CAB39L: variants seen among roughly 807,000 people sequenced by gnomAD.
CAB39L encodes the protein calcium-binding protein 39-like.
Under a neutral mutation model 39.1 loss-of-function variants are expected in CAB39L, and 23 were observed. That is an observed-to-expected ratio of 0.59 (90% CI 0.42 to 0.83). The LOEUF (loss-of-function observed/expected upper bound fraction) is 0.83, where lower values mean the gene tolerates loss of function less well. CAB39L is among the 40% of genes least tolerant of loss of function. The probability of loss-of-function intolerance (pLI) is 0.00; values close to 1 mark genes in which losing one functional copy is unlikely to be tolerated. For synonymous variants in CAB39L, 126 were observed against 137.2 expected (o/e 0.92, Z 0.57); for missense variants, 366 against 391.9 (o/e 0.93, Z 0.56).
chr13:49,362,229 T>G (rs1198719955), intron 5 of CAB39L, among the ~76,000 whole-genome samples: 1 of 151,968 alleles, frequency 6.6e-6, no homozygotes, highest in Non-Finnish European at 1.5e-5. Flanking sequence ...CAAGAAAACA[T>G]GACCTCAACA....
At chr13:49,376,237 G>T (rs905819208) in intron 5 of CAB39L, among the ~76,000 whole-genome samples, 1 of 152,158 alleles carries the variant, frequency 6.6e-6, no homozygotes, top group African/African-American at 2.4e-5. Context: ...AACAAAATTC[G>T]TATTATGATA....
chr13:49,342,442 CA>C lies in CAB39L; in HGVS notation c.624+1736del, dbSNP rs201944546. Among the ~76,000 whole-genome samples, 777 of 151,454 alleles carry C rather than the reference CA, an allele frequency of 5.1e-3. 7 individuals carry two copies. The highest frequency in any genetic ancestry group is 0.017 in the African/African-American group (715 of 41,280). ...GTTTTTTGCTTTTAATAGATGAAGA[CA>C]AAAAAAATCCATTCATCATACCATA... On this transcript the variant is annotated intron_variant, in intron 8 of 10. Coordinates refer to ENST00000409308, the MANE Select transcript of CAB39L (RefSeq NM_001079670.3).
intron 4 of CAB39L, among the ~76,000 whole-genome samples, 192 bp from the exon 5 acceptor site, chr13:49,377,323 G>A (rs1297120500): frequency 5.8e-5 from 2 of 34,716 alleles, no homozygotes; most frequent in Non-Finnish European, 1.2e-4. Flanking sequence ...CTAATGGCTT[G>A]CATTTACATA....
intron 9 of CAB39L, among the ~76,000 whole-genome samples, chr13:49,332,451 A>G (rs999044471): frequency 3.9e-5 from 6 of 152,168 alleles, no homozygotes; most frequent in Non-Finnish European, 7.4e-5. Flanking sequence ...CAAAATTGGT[A>G]CCATAATGAT....
At chr13:49,337,839 CA>C (rs1297458116) in intron 9 of CAB39L, among the ~76,000 whole-genome samples, 5 of 151,524 alleles carry the variant, frequency 3.3e-5, no homozygotes, top group Non-Finnish European at 7.4e-5. Context: ...TACTTAAAAC[CA>C]TCTGAAAACT....
chr13:49,427,178 T>C (rs1174201067), intron 3 of CAB39L, among the ~76,000 whole-genome samples: 1 of 152,178 alleles, frequency 6.6e-6, no homozygotes, highest in Admixed American at 6.5e-5. Flanking sequence ...TGTTGCATTA[T>C]AAAGCTTATG....
chr13:49,366,346 T>C (rs1330466351), intron 5 of CAB39L, among the ~76,000 whole-genome samples: 3 of 151,718 alleles, frequency 2.0e-5, no homozygotes, highest in Non-Finnish European at 4.4e-5. Context: ...CTACCTACTA[T>C]GTACCCACAA....
chr13:49,396,699 T>C (rs1956640202), intron 3 of CAB39L, among the ~76,000 whole-genome samples: 1 of 151,882 alleles, frequency 6.6e-6, no homozygotes, highest in Non-Finnish European at 1.5e-5. Flanking sequence ...TATAGCGAGA[T>C]TCCATCTCAA....
chr13:49,377,245 ATGAAT>A, intron 4 of CAB39L, 114 bp from the exon 5 acceptor site: 1 of 768,568 alleles, frequency 1.3e-6, no homozygotes, highest in East Asian at 2.5e-5. Context: ...TTTATTTATA[ATGAAT>A]GGCACAGTTA....
At chr13:49,443,870 C>T (rs1439728489) in intron 1 of CAB39L, 116 bp downstream of exon 1, 1 of 453,260 alleles carries the variant, frequency 2.2e-6, no homozygotes, top group Non-Finnish European at 4.4e-6. Context: ...CCTTAGGCCT[C>T]TCCTTTACCC....
Position 49,314,661 on chromosome 13 carries a change from T to C in CAB39L, c.835-3668A>G, listed in dbSNP as rs535387862. Among the ~76,000 whole-genome samples, 11 of 152,274 alleles carry C rather than the reference T, an allele frequency of 7.2e-5. 1 individual carries two copies. The highest frequency in any genetic ancestry group is 2.4e-4 in the African/African-American group (10 of 41,564). On this transcript the variant is annotated intron_variant, in intron 10 of 10. Coordinates refer to ENST00000409308, the MANE Select transcript of CAB39L (RefSeq NM_001079670.3). ...AGTCATATTAATAAACTTGACCACA[T>C]AGTAGTATGGTTAACAGCGCAGATT... is the stretch of plus-strand genomic sequence containing the variant.
At chr13:49,378,836 T>C (rs1956181562) in intron 4 of CAB39L, among the ~76,000 whole-genome samples, 3 of 56,886 alleles carry the variant, frequency 5.3e-5, no homozygotes, top group Admixed American at 4.0e-4. Flanking sequence ...CGGCCGCCCC[T>C]ACTGGGAAGT....
intron 3 of CAB39L, among the ~76,000 whole-genome samples, chr13:49,422,208 TA>T (rs1305400782): frequency 6.6e-6 from 1 of 152,182 alleles, no homozygotes; most frequent in Non-Finnish European, 1.5e-5. Context: ...TTATAAATTA[TA>T]AACTTTGTGA....
intron 9 of CAB39L, among the ~76,000 whole-genome samples, chr13:49,335,456 T>C (rs888616586): frequency 6.6e-6 from 1 of 152,234 alleles, no homozygotes; most frequent in Non-Finnish European, 1.5e-5. Context: ...CCATTAAATG[T>C]TAATCTATTT....
intron 9 of CAB39L, among the ~76,000 whole-genome samples, chr13:49,338,814 T>C (rs1029543535): frequency 6.6e-6 from 1 of 152,208 alleles, no homozygotes; most frequent in Non-Finnish European, 1.5e-5. Context: ...CTCCCGTAAA[T>C]ATCATGTGAA....
chr13:49,415,552 T>A (rs1484974646), intron 3 of CAB39L, among the ~76,000 whole-genome samples: 1 of 151,736 alleles, frequency 6.6e-6, no homozygotes, highest in African/African-American at 2.4e-5. Flanking sequence ...AAAATAAAAT[T>A]AAAAATGTGG....
At chr13:49,365,435 C>G (rs1468943501) in intron 5 of CAB39L, among the ~76,000 whole-genome samples, 1 of 152,084 alleles carries the variant, frequency 6.6e-6, no homozygotes, top group Non-Finnish European at 1.5e-5. Flanking sequence ...GCAATCAAAG[C>G]AAAAATGGAC....
At chr13:49,342,290 A>G (rs940986377) in intron 8 of CAB39L, among the ~76,000 whole-genome samples, 1 of 152,226 alleles carries the variant, frequency 6.6e-6, no homozygotes, top group Non-Finnish European at 1.5e-5. Context: ...AGTCATAGTA[A>G]TCATCAAAAA....
At chr13:49,349,341 A>G (rs1955272456) in intron 7 of CAB39L, among the ~76,000 whole-genome samples, 1 of 151,840 alleles carries the variant, frequency 6.6e-6, no homozygotes, top group African/African-American at 2.4e-5. Context: ...ATTAAGTAAA[A>G]CTTGTAAAAA....
Sources: allele counts gnomAD v4.1 joint callset (sites outside exome capture counted in the v4.1 genomes callset), GRCh38; gene constraint gnomAD v4.1.1; transcripts MANE v1.5; gene names NCBI Gene and HGNC (gene_info 2026-07-23, HGNC 2026-07-21).